The following GALNTL6 variants were observed in gnomAD, a reference collection of about 807,000 sequenced individuals.
GALNTL6 encodes the protein polypeptide N-acetylgalactosaminyltransferase like 6.
Under a neutral mutation model 73.7 loss-of-function variants are expected in GALNTL6, and 46 were observed. The ratio of observed to expected loss-of-function variants is 0.62; its 90% confidence interval spans 0.49 to 0.80. GALNTL6 has a LOEUF of 0.80. Ranked by LOEUF, GALNTL6 falls within the 30% of genes least tolerant of loss-of-function variation. The probability of loss-of-function intolerance (pLI) is 0.00; values close to 1 mark genes in which losing one functional copy is unlikely to be tolerated. For synonymous variants in GALNTL6, 259 were observed against 263.7 expected (o/e 0.98, Z 0.17); for missense variants, 604 against 755.0 (o/e 0.80, Z 2.34).
intron 2 of GALNTL6, among the ~76,000 whole-genome samples, chr4:172,023,998 A>T (rs1741478807): frequency 6.6e-6 from 1 of 151,828 alleles, no homozygotes; most frequent in Non-Finnish European, 1.5e-5. Flanking sequence ...CATTTAAAAA[A>T]TATATAATTA....
At chr4:172,209,150 T>C (rs1165979585) in intron 2 of GALNTL6, among the ~76,000 whole-genome samples, 1 of 152,106 alleles carries the variant, frequency 6.6e-6, no homozygotes. Context: ...TATTCTTAAT[T>C]ACTTGTGTCA....
At chr4:172,826,934 C>G (rs1052881572) in intron 7 of GALNTL6, among the ~76,000 whole-genome samples, 7 of 152,364 alleles carry the variant, frequency 4.6e-5, no homozygotes, top group Admixed American at 3.9e-4. Flanking sequence ...CCATTCTCCT[C>G]CACTCTCAGG....
At chr4:172,977,170 T>C (rs1366090526) in intron 10 of GALNTL6, among the ~76,000 whole-genome samples, 2 of 152,194 alleles carry the variant, frequency 1.3e-5, no homozygotes, top group African/African-American at 2.4e-5. Flanking sequence ...GAAGAGGCTG[T>C]TTCACATTAT....
chr4:172,180,053 C>T (rs1735186408), intron 2 of GALNTL6, among the ~76,000 whole-genome samples: 1 of 152,190 alleles, frequency 6.6e-6, no homozygotes, highest in Non-Finnish European at 1.5e-5. Context: ...CTAATTTACA[C>T]TCGCACCAAC....
At chr4:172,060,440 C>G (rs1296739126) in intron 2 of GALNTL6, among the ~76,000 whole-genome samples, 1 of 152,088 alleles carries the variant, frequency 6.6e-6, no homozygotes, top group Non-Finnish European at 1.5e-5. Flanking sequence ...TTGCTCTACT[C>G]TCCTGTTTCT....
intron 5 of GALNTL6, among the ~76,000 whole-genome samples, chr4:172,405,562 C>T (rs1579042752): frequency 6.6e-6 from 1 of 150,982 alleles, no homozygotes; most frequent in East Asian, 2.0e-4. Context: ...TATCTCACAT[C>T]CTAATGTCTA....
chr4:172,089,700 CTTTA>C (rs950097339), intron 2 of GALNTL6, among the ~76,000 whole-genome samples: 2 of 151,944 alleles, frequency 1.3e-5, no homozygotes, highest in Admixed American at 6.6e-5. Context: ...TAATTTATTT[CTTTA>C]TTTATTTGTA....
At chr4:172,931,873 C>T (rs1482945395) in intron 9 of GALNTL6, among the ~76,000 whole-genome samples, 1 of 152,134 alleles carries the variant, frequency 6.6e-6, no homozygotes, top group Non-Finnish European at 1.5e-5. Flanking sequence ...TCTCTTCTGC[C>T]GTTTGAAACA....
At chr4:172,583,558 TTG>T (rs1737276545) in intron 5 of GALNTL6, among the ~76,000 whole-genome samples, 1 of 152,206 alleles carries the variant, frequency 6.6e-6, no homozygotes, top group South Asian at 2.1e-4. Context: ...TTTCCAAAGT[TTG>T]TGTTTTAACC....
intron 5 of GALNTL6, among the ~76,000 whole-genome samples, chr4:172,656,051 G>A (rs1730985016): frequency 1.3e-5 from 2 of 152,140 alleles, no homozygotes; most frequent in African/African-American, 4.8e-5. Context: ...TTGTTACCTA[G>A]CATCAACTGG....
chr4:172,812,971 A>T (rs1325202898), intron 6 of GALNTL6, among the ~76,000 whole-genome samples: 1 of 152,226 alleles, frequency 6.6e-6, no homozygotes, highest in Non-Finnish European at 1.5e-5. Context: ...AACAGAGTTT[A>T]GCTTCAAGAA....
At chr4:172,873,068 A>G (rs1745026268) in intron 7 of GALNTL6, among the ~76,000 whole-genome samples, 1 of 152,232 alleles carries the variant, frequency 6.6e-6, no homozygotes, top group Admixed American at 6.5e-5. Flanking sequence ...CTTCAGTGGT[A>G]CCTAGTCACA....
intron 2 of GALNTL6, among the ~76,000 whole-genome samples, chr4:171,844,028 T>C (rs1313286804): frequency 6.6e-6 from 1 of 152,210 alleles, no homozygotes; most frequent in Non-Finnish European, 1.5e-5. Context: ...TGTGTTTGTG[T>C]AAATGCTCTT....
intron 11 of GALNTL6, among the ~76,000 whole-genome samples, chr4:173,019,483 T>C (rs1288501686): frequency 6.6e-6 from 1 of 152,142 alleles, no homozygotes; most frequent in Non-Finnish European, 1.5e-5. Flanking sequence ...TGCTTCAAAA[T>C]CCAAGAGAGC....
intron 10 of GALNTL6, among the ~76,000 whole-genome samples, chr4:172,956,094 A>G (rs563009727): frequency 1.3e-5 from 2 of 152,132 alleles, no homozygotes; most frequent in South Asian, 4.1e-4. Flanking sequence ...TAAGAAAAAT[A>G]AAACAAAATA....
chr4:172,158,920 G>A (rs1220360484), intron 2 of GALNTL6, among the ~76,000 whole-genome samples: 14 of 152,152 alleles, frequency 9.2e-5, no homozygotes, highest in African/African-American at 2.7e-4. Flanking sequence ...CCATGTGAAT[G>A]CAACTGAAAT....
chr4:171,983,453 A>C (rs940813903), intron 2 of GALNTL6, among the ~76,000 whole-genome samples: 6 of 148,124 alleles, frequency 4.1e-5, no homozygotes, highest in African/African-American at 1.2e-4. Context: ...CCAGCTTCAG[A>C]GGCATCTTGA....
intron 2 of GALNTL6, among the ~76,000 whole-genome samples, chr4:171,836,219 A>G (rs1735091847): frequency 6.6e-6 from 1 of 152,060 alleles, no homozygotes; most frequent in South Asian, 2.1e-4. Flanking sequence ...TAAATTATAT[A>G]AAAATAGTTG....
chr4:172,059,492 G>T (rs972372493), intron 2 of GALNTL6, among the ~76,000 whole-genome samples: 4 of 152,126 alleles, frequency 2.6e-5, no homozygotes, highest in Non-Finnish European at 5.9e-5. Context: ...CCTGTGACTT[G>T]AAAGGGAAGA....
Sources: allele counts gnomAD v4.1 joint callset (sites outside exome capture counted in the v4.1 genomes callset), GRCh38; gene constraint gnomAD v4.1.1; transcripts MANE v1.5; gene names NCBI Gene and HGNC (gene_info 2026-07-23, HGNC 2026-07-21).